VTI1A: variants seen among roughly 807,000 people sequenced by gnomAD.
The protein encoded by VTI1A is vesicle transport through interaction with t-SNAREs homolog 1A.
VTI1A carries 22 observed loss-of-function variants against 34.9 expected under a neutral mutation model. That is an observed-to-expected ratio of 0.63 (90% CI 0.45 to 0.90). The LOEUF (loss-of-function observed/expected upper bound fraction) is 0.90, where lower values mean the gene tolerates loss of function less well. Ranked by LOEUF, VTI1A falls within the 40% of genes least tolerant of loss-of-function variation. The pLI is 0.00. For synonymous variants in VTI1A, 87 were observed against 97.3 expected (o/e 0.89, Z 0.62); for missense variants, 268 against 275.6 (o/e 0.97, Z 0.20).
intron 7 of VTI1A, among the ~76,000 whole-genome samples, chr10:112,810,275 T>C (rs1324114004): frequency 6.6e-6 from 1 of 151,560 alleles, no homozygotes; most frequent in Non-Finnish European, 1.5e-5. Context: ...TGGTGGCAGG[T>C]GCCTGTAATC....
chr10:112,604,077 G>T (rs774325217), intron 5 of VTI1A, among the ~76,000 whole-genome samples: 1 of 152,252 alleles, frequency 6.6e-6, no homozygotes, highest in Non-Finnish European at 1.5e-5. Flanking sequence ...GGTTAACACA[G>T]GGTGGGGATA....
intron 3 of VTI1A, among the ~76,000 whole-genome samples, chr10:112,526,363 C>T (rs1437011796): frequency 6.6e-6 from 1 of 152,168 alleles, no homozygotes; most frequent in African/African-American, 2.4e-5. Flanking sequence ...AAAGTTGACT[C>T]ATAGCCTACT....
intron 5 of VTI1A, 38 bp from the exon 6 acceptor site, chr10:112,668,180 C>T: frequency 6.3e-7 from 1 of 1,584,374 alleles, no homozygotes; most frequent in Non-Finnish European, 8.7e-7. Context: ...ATATGCACTC[C>T]AAGTCATTTT....
chr10:112,588,607 T>A (rs1213248994), intron 5 of VTI1A, among the ~76,000 whole-genome samples: 3 of 152,218 alleles, frequency 2.0e-5, no homozygotes, highest in Non-Finnish European at 4.4e-5. Context: ...AGGCTATGTT[T>A]CACTCCAAAT....
chr10:112,581,953 A>G (rs996477557), intron 5 of VTI1A, among the ~76,000 whole-genome samples: 31 of 152,222 alleles, frequency 2.0e-4, no homozygotes, highest in African/African-American at 7.2e-4. Context: ...TGCAAATGCA[A>G]CTTCACGGCA....
intron 3 of VTI1A, among the ~76,000 whole-genome samples, chr10:112,474,458 CTTT>C (rs35475815): frequency 3.5e-5 from 5 of 142,014 alleles, no homozygotes; most frequent in African/African-American, 5.1e-5. Flanking sequence ...TCATTCTTTC[CTTT>C]TTTTTTTTTT....
At chr10:112,464,818 A>C in intron 3 of VTI1A, 161 bp downstream of exon 3, 1 of 630,420 alleles carries the variant, frequency 1.6e-6, no homozygotes, top group Middle Eastern at 3.5e-4. Flanking sequence ...GGTTATAGAG[A>C]TAGCTAATGG....
At chr10:112,677,021 C>A (rs1264602209) in intron 7 of VTI1A, among the ~76,000 whole-genome samples, 1 of 152,062 alleles carries the variant, frequency 6.6e-6, no homozygotes, top group Non-Finnish European at 1.5e-5. Flanking sequence ...TCGAATGCTT[C>A]CAGTGAAAGT....
At chr10:112,826,467 C>T in the VTI1A span, 1 of 152,228 alleles carries the variant, frequency 6.6e-6, no homozygotes, top group East Asian at 1.9e-4. Flanking sequence ...GAGTTAGAAC[C>T]ACCCGGAGAG....
chr10:112,841,797 G>A, the VTI1A span, among the ~76,000 whole-genome samples: 3 of 152,222 alleles, frequency 2.0e-5, no homozygotes, highest in South Asian at 2.1e-4. Flanking sequence ...CACTGAGTAG[G>A]GTGTAGTTTC....
chr10:112,575,867 T>A (rs970875399), intron 5 of VTI1A, among the ~76,000 whole-genome samples: 1 of 152,156 alleles, frequency 6.6e-6, no homozygotes, highest in African/African-American at 2.4e-5. Context: ...ACTATTCCAT[T>A]ATTTTAGATG....
chr10:112,723,266 G>C (rs1849875992), intron 7 of VTI1A, among the ~76,000 whole-genome samples: 1 of 152,144 alleles, frequency 6.6e-6, no homozygotes, highest in Admixed American at 6.5e-5. Context: ...GGAACCTATA[G>C]AAAAAGTGCT....
At chr10:112,538,211 C>T (rs768122504) in intron 4 of VTI1A, 35 bp from the exon 5 acceptor site, 16 of 1,583,664 alleles carry the variant, frequency 1.0e-5, no homozygotes, top group African/African-American at 8.1e-5. Context: ...TGTAGACGGC[C>T]GTCTGATTTT....
intron 7 of VTI1A, among the ~76,000 whole-genome samples, chr10:112,716,918 T>C (rs943021476): frequency 6.6e-6 from 1 of 152,158 alleles, no homozygotes; most frequent in African/African-American, 2.4e-5. Context: ...GAGCCAGTGG[T>C]ACCTTAGAGG....
rs569207148 is a variant in VTI1A, at chr10:112,726,519, A to G, written c.560+57521A>G. On this transcript the variant is annotated intron_variant, in intron 7 of 7. Coordinates refer to ENST00000393077, the MANE Select transcript of VTI1A (RefSeq NM_145206.4). ...CCAGGAAGGCTTCATAAAACCAACA[A>G]TCCCCTCAGGTGTGTGTGTTTCCTA... 1.8e-4 allele frequency among the ~76,000 whole-genome samples: 27 copies of G among 152,186 alleles called. No homozygotes were observed. The South Asian group carries it at 5.2e-3, about 29-fold the overall frequency.
chr10:112,547,271 G>A (rs1176079262), intron 5 of VTI1A, among the ~76,000 whole-genome samples: 2 of 151,846 alleles, frequency 1.3e-5, no homozygotes, highest in Admixed American at 6.6e-5. Flanking sequence ...GTAACAGGGT[G>A]AGCCCTTGTC....
intron 7 of VTI1A, among the ~76,000 whole-genome samples, chr10:112,690,262 C>T (rs1590073624): frequency 6.6e-6 from 1 of 152,258 alleles, no homozygotes; most frequent in Middle Eastern, 3.4e-3. Flanking sequence ...GTTTTCGTTT[C>T]TCTTGGTAAA....
chr10:112,764,321 G>A (rs1851578054), intron 7 of VTI1A, among the ~76,000 whole-genome samples: 1 of 152,194 alleles, frequency 6.6e-6, no homozygotes, highest in Non-Finnish European at 1.5e-5. Context: ...TTGATTTTCG[G>A]TGGAAATGGA....
intron 5 of VTI1A, among the ~76,000 whole-genome samples, chr10:112,606,841 T>A (rs1564846033): frequency 6.6e-6 from 1 of 152,220 alleles, no homozygotes; most frequent in Non-Finnish European, 1.5e-5. Flanking sequence ...CACAATCAAA[T>A]TAGCTTCCTA....
Sources: allele counts gnomAD v4.1 joint callset (sites outside exome capture counted in the v4.1 genomes callset), GRCh38; gene constraint gnomAD v4.1.1; transcripts MANE v1.5; gene names NCBI Gene and HGNC (gene_info 2026-07-23, HGNC 2026-07-21).